Variants in ENTREP2 observed in about 807,000 individuals in gnomAD.
ENTREP2 encodes the protein endosomal transmembrane epsin interactor 2.
At chr15:29,521,213 G>C in the ENTREP2 span, among the ~76,000 whole-genome samples, 1 of 152,270 alleles carries the variant, frequency 6.6e-6, no homozygotes, top group Non-Finnish European at 1.5e-5. Flanking sequence ...CCAGTGCCGA[G>C]GTGGAAAAAT....
At chr15:29,554,033 G>A in the ENTREP2 span, among the ~76,000 whole-genome samples, 2 of 152,098 alleles carry the variant, frequency 1.3e-5, no homozygotes, top group Non-Finnish European at 2.9e-5. Context: ...GAAGGAAGGG[G>A]GCCGTGCACG....
the ENTREP2 span, among the ~76,000 whole-genome samples, chr15:29,254,160 G>GAAAAAAAA: frequency 2.2e-4 from 1 of 4,516 alleles, no homozygotes; most frequent in South Asian, 8.2e-3. Context: ...TTGTTAAAGA[G>GAAAAAAAA]CAAAAAAAAA....
chr15:29,170,595 TGTGA>T, the ENTREP2 span, among the ~76,000 whole-genome samples: 774 of 151,720 alleles, frequency 5.1e-3, 7 homozygotes, highest in African/African-American at 0.018. Flanking sequence ...TGTGTGTGTG[TGTGA>T]GTGTGTGTGT....
the ENTREP2 span, among the ~76,000 whole-genome samples, chr15:29,191,587 G>A: frequency 2.6e-5 from 4 of 152,048 alleles, no homozygotes; most frequent in Admixed American, 6.5e-5. Flanking sequence ...AAAAGGTAAT[G>A]CCTGCTGCAG....
the ENTREP2 span, among the ~76,000 whole-genome samples, chr15:29,540,502 C>T: frequency 6.6e-6 from 1 of 152,360 alleles, no homozygotes; most frequent in Non-Finnish European, 1.5e-5. Flanking sequence ...TCTTCTTAGG[C>T]ATCACACAAG....
At chr15:29,439,334 A>ACAC in the ENTREP2 span, among the ~76,000 whole-genome samples, 37 of 99,772 alleles carry the variant, frequency 3.7e-4, no homozygotes, top group Admixed American at 3.0e-3. Flanking sequence ...CACACACACA[A>ACAC]ACAGTAGAGG....
the ENTREP2 span, among the ~76,000 whole-genome samples, chr15:29,417,687 AAAG>A: frequency 1.3e-5 from 2 of 151,948 alleles, no homozygotes; most frequent in African/African-American, 4.8e-5. Context: ...CTACGTAAAA[AAAG>A]AAATGTTGAT....
At chr15:29,558,939 T>C in the ENTREP2 span, among the ~76,000 whole-genome samples, 5 of 151,974 alleles carry the variant, frequency 3.3e-5, no homozygotes, top group South Asian at 8.3e-4. Context: ...AAAAGATGTA[T>C]TAATCATCTA....
At chr15:29,462,295 T>C in the ENTREP2 span, among the ~76,000 whole-genome samples, 1 of 152,110 alleles carries the variant, frequency 6.6e-6, no homozygotes, top group Non-Finnish European at 1.5e-5. Context: ...CACATGGTAA[T>C]TCTGTTTTAA....
the ENTREP2 span, among the ~76,000 whole-genome samples, chr15:29,246,839 A>T: frequency 6.6e-6 from 1 of 151,060 alleles, no homozygotes; most frequent in South Asian, 2.1e-4. Context: ...CCTGTTTAAC[A>T]GCAGAGAAGA....
chr15:29,300,151 AATGGATGGATGGATGGATGGATGG>A, the ENTREP2 span, among the ~76,000 whole-genome samples: 4 of 128,048 alleles, frequency 3.1e-5, no homozygotes, highest in Admixed American at 8.0e-5. Context: ...ATGGATGGAT[AATGGATGGATGGATGGATGGATGG>A]ATGGATGGAT....
the ENTREP2 span, among the ~76,000 whole-genome samples, chr15:29,316,297 A>G: frequency 6.6e-6 from 1 of 152,258 alleles, no homozygotes; most frequent in African/African-American, 2.4e-5. Context: ...ATCAAGAGAC[A>G]TGGGAGCTCT....
the ENTREP2 span, among the ~76,000 whole-genome samples, chr15:29,174,229 A>G: frequency 6.6e-6 from 1 of 152,192 alleles, no homozygotes; most frequent in Non-Finnish European, 1.5e-5. Context: ...TCCCTTGTAC[A>G]TCAAGGTTTC....
the ENTREP2 span, among the ~76,000 whole-genome samples, chr15:29,609,077 A>G: frequency 7.3e-6 from 1 of 137,464 alleles, no homozygotes; most frequent in Non-Finnish European, 1.6e-5. Context: ...GCAACTCTTG[A>G]GGCTGTTGGC....
chr15:29,628,241 T>A, the ENTREP2 span, among the ~76,000 whole-genome samples: 1 of 152,228 alleles, frequency 6.6e-6, no homozygotes, highest in Non-Finnish European at 1.5e-5. Flanking sequence ...TTAACATCTT[T>A]GATGTGTTTA....
the ENTREP2 span, chr15:29,136,520 C>T: frequency 1.3e-6 from 2 of 1,545,758 alleles, no homozygotes; most frequent in South Asian, 2.4e-5. Flanking sequence ...ACAGAATCAT[C>T]ACATCGTCAT....
At chr15:29,389,343 A>G in the ENTREP2 span, among the ~76,000 whole-genome samples, 1 of 152,152 alleles carries the variant, frequency 6.6e-6, no homozygotes, top group African/African-American at 2.4e-5. Flanking sequence ...GGAGTGGGAC[A>G]CTGGATTGTT....
At chr15:29,155,380 C>T in the ENTREP2 span, among the ~76,000 whole-genome samples, 1 of 152,094 alleles carries the variant, frequency 6.6e-6, no homozygotes, top group Non-Finnish European at 1.5e-5. Context: ...AAGGCCTATC[C>T]GAGTCCCTGA....
At chr15:29,630,692 T>G in the ENTREP2 span, among the ~76,000 whole-genome samples, 1 of 152,162 alleles carries the variant, frequency 6.6e-6, no homozygotes, top group Non-Finnish European at 1.5e-5. Context: ...TATTTATTTA[T>G]TTACTTAGTT....
Sources: allele counts gnomAD v4.1 joint callset (sites outside exome capture counted in the v4.1 genomes callset), GRCh38; gene constraint gnomAD v4.1.1; transcripts MANE v1.5; gene names NCBI Gene and HGNC (gene_info 2026-07-23, HGNC 2026-07-21).